EPB41L5: variants seen among roughly 807,000 people sequenced by gnomAD.
The protein encoded by EPB41L5 is band 4.1-like protein 5.
In EPB41L5, 55 loss-of-function variants were observed where a neutral mutation model predicts 106.6. That is an observed-to-expected ratio of 0.52 (90% CI 0.42 to 0.65). EPB41L5 has a LOEUF of 0.65. Among genes scored for constraint, EPB41L5 ranks in the 30% least tolerant of loss-of-function variants. The probability of loss-of-function intolerance (pLI) is 0.00; values close to 1 mark genes in which losing one functional copy is unlikely to be tolerated. For synonymous variants in EPB41L5, 297 were observed against 306.7 expected (o/e 0.97, Z 0.33); for missense variants, 871 against 882.1 (o/e 0.99, Z 0.16).
chr2:120,081,404 A>G (rs558233790), intron 10 of EPB41L5, among the ~76,000 whole-genome samples: 7 of 152,282 alleles, frequency 4.6e-5, no homozygotes, highest in African/African-American at 1.7e-4. Context: ...GGTTTGTCAA[A>G]GATTGGATGG....
chr2:120,074,163 G>C lies in EPB41L5; in HGVS notation c.392G>C (p.Arg131Pro). Reference sequence around the variant, plus strand: ...TATTCCTCAGAACCAAATAACCTTCGTGAGGAGCTAACCCGGTAAGAACAC... The same window carrying C: ...TATTCCTCAGAACCAAATAACCTTCCTGAGGAGCTAACCCGGTAAGAACAC... Reference protein sequence around the residue: ...KFYSSEPNNLREELTRYLFVL... With the variant: ...KFYSSEPNNLPEELTRYLFVL... The change falls in exon 5 of 25, where the codon CGT (arginine) becomes CCT (proline). Residue 131 changes from arginine to proline, a missense_variant. By Grantham distance (103) the Arg-to-Pro change is moderately radical. Transcript: ENST00000263713. 1 of 1,611,042 alleles carries C rather than the reference G, an allele frequency of 6.2e-7. No individual in the cohort carries two copies.
chr2:120,022,616 T>C (rs1411481188), intron 2 of EPB41L5, among the ~76,000 whole-genome samples: 1 of 152,216 alleles, frequency 6.6e-6, no homozygotes, highest in Non-Finnish European at 1.5e-5. Flanking sequence ...AAGTCTTTGC[T>C]ATTGTGAATA....
chr2:120,082,890 A>G (rs928266137), intron 10 of EPB41L5, among the ~76,000 whole-genome samples: 23 of 152,078 alleles, frequency 1.5e-4, no homozygotes, highest in Non-Finnish European at 2.5e-4. Flanking sequence ...GTTTATTTGC[A>G]TAGAGGTGTT....
At chr2:120,104,368 A>G (rs1202790185) in intron 16 of EPB41L5, 18 of 1,398,670 alleles carry the variant, frequency 1.3e-5, no homozygotes, top group East Asian at 8.0e-5. Flanking sequence ...CTAGTTGTTC[A>G]GTGCTGTTTG....
At chr2:120,075,372 A>G in intron 5 of EPB41L5, 104 bp from the exon 6 acceptor site, 1 of 822,566 alleles carries the variant, frequency 1.2e-6, no homozygotes, top group Non-Finnish European at 2.0e-6. Context: ...ACATTAATAC[A>G]AGTAATTTTT....
intron 10 of EPB41L5, among the ~76,000 whole-genome samples, chr2:120,083,501 C>T (rs1312625800): frequency 6.6e-6 from 1 of 152,126 alleles, no homozygotes; most frequent in Non-Finnish European, 1.5e-5. Context: ...TTTACATTTG[C>T]TGAGGAGTGT....
chr2:120,154,319 C>T (rs370895431), intron 20 of EPB41L5, among the ~76,000 whole-genome samples: 6 of 151,568 alleles, frequency 4.0e-5, no homozygotes, highest in Admixed American at 6.6e-5. Context: ...CCACCATGCC[C>T]GGCTAATTTT....
chr2:120,159,447 A>G (rs1474104972), intron 20 of EPB41L5, among the ~76,000 whole-genome samples: 1 of 150,802 alleles, frequency 6.6e-6, no homozygotes, highest in Non-Finnish European at 1.5e-5. Context: ...AAAAAAAGTG[A>G]CAATCAATAT....
intron 16 of EPB41L5, among the ~76,000 whole-genome samples, chr2:120,120,546 A>G (rs907558549): frequency 1.3e-5 from 2 of 152,048 alleles, no homozygotes; most frequent in African/African-American, 2.4e-5. Context: ...GGATTGTTTA[A>G]TTCTAATCAC....
chr2:120,150,386 A>G (rs71424342), intron 20 of EPB41L5, among the ~76,000 whole-genome samples: 8,465 of 152,144 alleles, frequency 0.056, 308 homozygotes, highest in Non-Finnish European at 0.085. Context: ...CAGTGGCACA[A>G]TCATAGCTCA....
chr2:120,054,190 C>T (rs1339747504), intron 3 of EPB41L5, among the ~76,000 whole-genome samples: 1 of 152,044 alleles, frequency 6.6e-6, no homozygotes, highest in Non-Finnish European at 1.5e-5. Flanking sequence ...GCTTGTTTGC[C>T]GTTTGTGTAT....
intron 3 of EPB41L5, among the ~76,000 whole-genome samples, chr2:120,048,212 T>A (rs1302446270): frequency 6.6e-6 from 1 of 152,214 alleles, no homozygotes; most frequent in African/African-American, 2.4e-5. Context: ...CTCTGTCAAT[T>A]GGAATAGTTT....
chr2:120,151,912 CA>C (rs1686698143), intron 20 of EPB41L5, among the ~76,000 whole-genome samples: 3 of 152,160 alleles, frequency 2.0e-5, no homozygotes, highest in Non-Finnish European at 4.4e-5. Flanking sequence ...CCACCACACC[CA>C]GCTGGTTTTT....
At chr2:120,036,252 C>T (rs569879245) in intron 2 of EPB41L5, among the ~76,000 whole-genome samples, 4 of 152,264 alleles carry the variant, frequency 2.6e-5, no homozygotes, top group African/African-American at 9.6e-5. Flanking sequence ...ATAGAAAATG[C>T]CTCCTTCCCA....
At chr2:120,023,938 T>C (rs1678118844) in intron 2 of EPB41L5, among the ~76,000 whole-genome samples, 1 of 152,202 alleles carries the variant, frequency 6.6e-6, no homozygotes, top group African/African-American at 2.4e-5. Flanking sequence ...ATTCTCTTTG[T>C]AGCAGTTGTG....
chr2:120,046,142 C>T (rs1355908354), intron 3 of EPB41L5, among the ~76,000 whole-genome samples: 1 of 152,158 alleles, frequency 6.6e-6, no homozygotes, highest in Non-Finnish European at 1.5e-5. Flanking sequence ...TTTATAGCAG[C>T]ATGATGTATA....
chr2:120,111,984 C>G (rs1353585250), intron 16 of EPB41L5, among the ~76,000 whole-genome samples: 1 of 152,146 alleles, frequency 6.6e-6, no homozygotes, highest in Admixed American at 6.5e-5. Flanking sequence ...GAGTATTCCT[C>G]CCTTCAATCT....
At chr2:120,041,924 T>C in intron 2 of EPB41L5, 82 bp from the exon 3 acceptor site, 1 of 983,198 alleles carries the variant, frequency 1.0e-6, no homozygotes, top group Non-Finnish European at 1.5e-6. Flanking sequence ...CAAGAGATCT[T>C]GTATAACTAA....
At chr2:120,055,023 T>C (rs1116580) in intron 3 of EPB41L5, among the ~76,000 whole-genome samples, 151,865 of 152,138 alleles carry the variant, frequency 1, 75,797 homozygotes, top group Middle Eastern at 1. Context: ...TGCACCACCA[T>C]GCCCAGCTAA....
Sources: gnomAD v4.1 joint callset for allele counts (sites outside exome capture counted in the v4.1 genomes callset) on GRCh38, gnomAD v4.1.1 for gene constraint, MANE v1.5 for transcripts, NCBI Gene and HGNC (gene_info 2026-07-23, HGNC 2026-07-21) for gene names.